GRM7: variants seen among roughly 807,000 people sequenced by gnomAD.
GRM7 encodes the protein metabotropic glutamate receptor 7.
A neutral mutation model predicts 84.5 loss-of-function variants in GRM7; 35 were observed. That is an observed-to-expected ratio of 0.41 (90% CI 0.32 to 0.55). The LOEUF (loss-of-function observed/expected upper bound fraction) is 0.55. Among genes scored for constraint, GRM7 ranks in the 20% least tolerant of loss-of-function variants. The pLI is 0.19. For synonymous variants in GRM7, 487 were observed against 455.1 expected (o/e 1.07, Z -0.89); for missense variants, 1,003 against 1,194.6 (o/e 0.84, Z 2.36).
chr3:7,705,205 G>A (rs182757567), intron 9 of GRM7, among the ~76,000 whole-genome samples: 57 of 152,180 alleles, frequency 3.7e-4, no homozygotes, highest in East Asian at 2.7e-3. Flanking sequence ...TGAAAGAAAC[G>A]TTCAGGACAA....
intron 4 of GRM7, among the ~76,000 whole-genome samples, chr3:7,406,504 A>C (rs1695685673): frequency 6.6e-6 from 1 of 152,130 alleles, no homozygotes; most frequent in Admixed American, 6.6e-5. Flanking sequence ...TGTCTCAAAA[A>C]AAAATCATAA....
chr3:6,876,911 A>G (rs1178922547), intron 1 of GRM7, among the ~76,000 whole-genome samples: 1 of 152,090 alleles, frequency 6.6e-6, no homozygotes, highest in Non-Finnish European at 1.5e-5. Flanking sequence ...CTACCACTAA[A>G]TTGAAGTTGT....
chr3:7,689,358 T>A (rs1700710212), intron 9 of GRM7, among the ~76,000 whole-genome samples: 1 of 152,202 alleles, frequency 6.6e-6, no homozygotes, highest in African/African-American at 2.4e-5. Flanking sequence ...TCTTTAACAT[T>A]CAATGTGTTA....
intron 2 of GRM7, among the ~76,000 whole-genome samples, chr3:7,272,624 A>G (rs949526909): frequency 6.6e-5 from 10 of 152,068 alleles, no homozygotes; most frequent in African/African-American, 2.2e-4. Context: ...ATGTTATTAA[A>G]TTTCTAGGCA....
intron 1 of GRM7, among the ~76,000 whole-genome samples, chr3:7,074,153 T>TAG (rs1295604747): frequency 3.9e-5 from 6 of 152,276 alleles, no homozygotes; most frequent in African/African-American, 1.4e-4. Context: ...TCTCAGGAGT[T>TAG]TACATGTGTT....
At chr3:7,049,692 T>C (rs1696926280) in intron 1 of GRM7, among the ~76,000 whole-genome samples, 2 of 151,966 alleles carry the variant, frequency 1.3e-5, no homozygotes, top group Admixed American at 6.6e-5. Context: ...TGAAAAATTA[T>C]TGCAAAAGAA....
At chr3:7,370,007 A>G (rs1202151783) in intron 4 of GRM7, among the ~76,000 whole-genome samples, 2 of 152,180 alleles carry the variant, frequency 1.3e-5, no homozygotes, top group Non-Finnish European at 2.9e-5. Context: ...GGGAAAAAAT[A>G]ACAGCAAGGC....
Position 7,298,762 on chromosome 3 carries a change from A to G in GRM7, c.815A>G (p.Lys272Arg). The G allele has an allele frequency of 6.2e-7, 1 of 1,613,850 alleles. No individual in the cohort carries two copies. The highest frequency in any genetic ancestry group is 8.5e-7 in the Non-Finnish European group (1 of 1,179,754). Residue 272 changes from lysine to arginine, a missense_variant, in exon 3 of 10, where the codon AAA (lysine) becomes AGA (arginine). Physicochemically the swap from Lys to Arg is conservative, Grantham distance 26. This residue lies in a region of GRM7 where 910 missense variants were observed against 1,126.0 expected (regional missense o/e 0.81). Coordinates refer to ENST00000357716, the MANE Select transcript of GRM7 (RefSeq NM_000844.4). ...DRTIDFDRII[K>R]QLLDTPNSRA... ...ACCATTGACTTTGATAGAATTATCA[A>G]ACAGCTCCTGGACACCCCCAACTCC... is the stretch of plus-strand genomic sequence containing the variant.
rs115427229 is a variant in GRM7 at position 7,640,089 on chromosome 3, C to A, written c.2452-39960C>A. On this transcript the variant is annotated intron_variant, in intron 8 of 9. Transcript: ENST00000357716. ...TAAGACATCCTTGCCTAACAAATGA[C>A]CTCTTTTGGGCAAGGTTCCACACTA... Among the ~76,000 whole-genome samples the A allele has an allele frequency of 2.9e-3, 448 of 152,244 alleles. 2 individuals are homozygous for A. Among genetic ancestry groups the A allele is most frequent in the African/African-American group, 0.01 (432 of 41,542 alleles).
At chr3:7,352,060 CA>C (rs1693180032) in intron 4 of GRM7, among the ~76,000 whole-genome samples, 2 of 69,570 alleles carry the variant, frequency 2.9e-5, no homozygotes, top group African/African-American at 4.4e-5. Flanking sequence ...ACACACACCA[CA>C]CACACACACA....
intron 1 of GRM7, among the ~76,000 whole-genome samples, chr3:6,939,184 G>C (rs757003913): frequency 1.3e-5 from 2 of 152,048 alleles, no homozygotes; most frequent in African/African-American, 4.8e-5. Flanking sequence ...AAAGTTACTT[G>C]ATCTATACAT....
intron 2 of GRM7, among the ~76,000 whole-genome samples, chr3:7,269,352 C>A (rs564506414): frequency 9.8e-5 from 15 of 152,316 alleles, no homozygotes; most frequent in Admixed American, 8.5e-4. Flanking sequence ...TATGACCTCA[C>A]TATCTCTTAC....
intron 7 of GRM7, among the ~76,000 whole-genome samples, chr3:7,537,835 A>T (rs1465539043): frequency 6.6e-6 from 1 of 152,202 alleles, no homozygotes; most frequent in Non-Finnish European, 1.5e-5. Flanking sequence ...GCTTTTGACT[A>T]ATAGGCCCAC....
chr3:7,491,563 C>T (rs1278459729), intron 7 of GRM7, among the ~76,000 whole-genome samples: 2 of 152,130 alleles, frequency 1.3e-5, no homozygotes, highest in South Asian at 2.1e-4. Flanking sequence ...ACTTTGCTTC[C>T]GCCTCTCATT....
intron 5 of GRM7, among the ~76,000 whole-genome samples, 180 bp downstream of exon 5, chr3:7,415,343 A>C (rs766244440): frequency 6.6e-6 from 1 of 152,196 alleles, no homozygotes; most frequent in African/African-American, 2.4e-5. Context: ...CATACAGACA[A>C]GAATGTATTC....
intron 1 of GRM7, among the ~76,000 whole-genome samples, chr3:6,900,283 A>G (rs1004832895): frequency 3.5e-4 from 54 of 152,190 alleles, no homozygotes; most frequent in African/African-American, 1.2e-3. Context: ...AGTGTTGCAG[A>G]AAAGCCACAT....
chr3:7,647,259 T>C (rs553732773), intron 8 of GRM7, among the ~76,000 whole-genome samples: 3 of 152,326 alleles, frequency 2.0e-5, no homozygotes, highest in South Asian at 4.1e-4. Flanking sequence ...AGCTTCACAG[T>C]GGCCCCTGCC....
intron 1 of GRM7, among the ~76,000 whole-genome samples, chr3:6,961,546 C>T (rs566427112): frequency 1.3e-5 from 2 of 152,280 alleles, no homozygotes; most frequent in East Asian, 3.9e-4. Flanking sequence ...AGAAATTCTA[C>T]TCCACACCCT....
At chr3:7,090,732 A>G (rs1410291384) in intron 1 of GRM7, among the ~76,000 whole-genome samples, 1 of 152,214 alleles carries the variant, frequency 6.6e-6, no homozygotes. Context: ...AACTCAAACT[A>G]GAAACCAATG....
Sources: allele counts gnomAD v4.1 joint callset (sites outside exome capture counted in the v4.1 genomes callset), GRCh38; gene constraint gnomAD v4.1.1; regional missense constraint gnomAD v4.1.1; transcripts MANE v1.5; gene names NCBI Gene and HGNC (gene_info 2026-07-23, HGNC 2026-07-21).